FRMD3: variants seen among roughly 807,000 people sequenced by gnomAD.
FRMD3 encodes FERM domain containing 3, also known as FERM domain-containing protein 3.
Under a neutral mutation model 70.2 loss-of-function variants are expected in FRMD3, and 33 were observed. The ratio of observed to expected loss-of-function variants is 0.47; its 90% CI spans 0.36 to 0.63. FRMD3 has a LOEUF of 0.63. Ranked by LOEUF, FRMD3 falls within the 20% of genes least tolerant of loss-of-function variation. FRMD3 has a pLI of 0.00. For missense variants in FRMD3, 632 were observed against 711.4 expected, an observed-to-expected ratio of 0.89 and a Z score of 1.27; for synonymous variants, 279 against 255.9, an observed-to-expected ratio of 1.09 and a Z score of -0.86.
chr9:83,293,353 T>C (rs974983974), intron 12 of FRMD3, among the ~76,000 whole-genome samples: 6 of 152,166 alleles, frequency 3.9e-5, no homozygotes, highest in African/African-American at 1.4e-4. Flanking sequence ...TCTGTGTAGC[T>C]TTCTGACCTC....
chr9:83,312,728 T>C (rs954683423), intron 7 of FRMD3, among the ~76,000 whole-genome samples: 1 of 152,086 alleles, frequency 6.6e-6, no homozygotes, highest in African/African-American at 2.4e-5. Flanking sequence ...GGTAGCCTGG[T>C]CGCCGCACCC....
chr9:83,411,959 G>C (rs774958162), intron 1 of FRMD3, among the ~76,000 whole-genome samples: 12 of 152,164 alleles, frequency 7.9e-5, no homozygotes, highest in Non-Finnish European at 1.2e-4. Context: ...ACATAAGGCA[G>C]AAATGTTCTA....
At chr9:83,357,354 T>C (rs548468425) in intron 3 of FRMD3, among the ~76,000 whole-genome samples, 3 of 146,648 alleles carry the variant, frequency 2.0e-5, no homozygotes, top group Middle Eastern at 3.5e-3. Flanking sequence ...TTCCATATTT[T>C]TGCAATTGCA....
At chr9:83,273,437 C>G (rs1020097358) in intron 13 of FRMD3, among the ~76,000 whole-genome samples, 1 of 151,030 alleles carries the variant, frequency 6.6e-6, no homozygotes, top group African/African-American at 2.4e-5. Context: ...AGGCAGCATA[C>G]TGGTTAAGAG....
At chr9:83,350,920 T>C (rs1044933180) in intron 3 of FRMD3, 4 of 637,794 alleles carry the variant, frequency 6.3e-6, no homozygotes, top group Non-Finnish European at 7.8e-6. Flanking sequence ...CAGATTTCAG[T>C]TAACATATAA....
At chr9:83,292,779 C>A (rs188316490) in intron 12 of FRMD3, among the ~76,000 whole-genome samples, 1 of 152,320 alleles carries the variant, frequency 6.6e-6, no homozygotes, top group South Asian at 2.1e-4. Context: ...TCCCGAGTAG[C>A]TGGGATTACA....
intron 13 of FRMD3, among the ~76,000 whole-genome samples, chr9:83,261,290 G>C (rs1043023123): frequency 1.3e-5 from 2 of 152,094 alleles, no homozygotes; most frequent in Non-Finnish European, 2.9e-5. Flanking sequence ...CTTCATCCTT[G>C]CAGACTAAAC....
chr9:83,468,678 T>G (rs1235983091), intron 1 of FRMD3, among the ~76,000 whole-genome samples: 1 of 152,218 alleles, frequency 6.6e-6, no homozygotes, highest in Non-Finnish European at 1.5e-5. Flanking sequence ...CTTGGTAAGT[T>G]GCTCCCATCC....
At chr9:83,317,237 T>A (rs1203696406) in intron 6 of FRMD3, among the ~76,000 whole-genome samples, 1 of 149,574 alleles carries the variant, frequency 6.7e-6, no homozygotes, top group Admixed American at 6.6e-5. Flanking sequence ...CTCATTTGTA[T>A]ACTCATCTCA....
At chr9:83,550,723 T>TGTGTGTGTGC in the FRMD3 span, among the ~76,000 whole-genome samples, 4 of 150,380 alleles carry the variant, frequency 2.7e-5, no homozygotes, top group East Asian at 1.9e-4. Context: ...TGTGTGTGTG[T>TGTGTGTGTGC]GCATTCATGT....
At chr9:83,314,589 T>C (rs1835492317) in intron 6 of FRMD3, among the ~76,000 whole-genome samples, 1 of 150,780 alleles carries the variant, frequency 6.6e-6, no homozygotes, top group African/African-American at 2.4e-5. Flanking sequence ...CCCCTCAAGA[T>C]AGCAAAGAGT....
intron 6 of FRMD3, among the ~76,000 whole-genome samples, chr9:83,327,852 A>G (rs1196203000): frequency 1.3e-5 from 2 of 152,174 alleles, no homozygotes; most frequent in Non-Finnish European, 2.9e-5. Context: ...GCCTTTCTAC[A>G]TCCTAAATGG....
intron 13 of FRMD3, among the ~76,000 whole-genome samples, chr9:83,285,276 AG>A (rs1186128476): frequency 2.0e-5 from 3 of 152,164 alleles, no homozygotes; most frequent in Non-Finnish European, 2.9e-5. Flanking sequence ...AAACATTTAC[AG>A]GGATGGTGCT....
chr9:83,247,818 C>T lies in FRMD3; in HGVS notation c.*100G>A. On this transcript the variant is annotated 3_prime_UTR_variant, in exon 14 of 14. Coordinates refer to ENST00000304195, the MANE Select transcript of FRMD3 (RefSeq NM_174938.6). ...TGAATAATCAATTATGAGTAAGGAA[C>T]ACCTGTTGACAGCCCCGTGACCCTT... The T allele has an allele frequency of 6.6e-7, 1 of 1,515,644 alleles. No individual in the cohort carries two copies. The highest frequency in any genetic ancestry group is 8.8e-7 in the Non-Finnish European group (1 of 1,135,856). 93.9% of individuals were successfully genotyped at this position (1,515,644 alleles called of 1,614,324 possible). A position where few individuals can be genotyped will look rare whatever the true frequency, so the allele number is the denominator to read the frequency against.
intron 1 of FRMD3, among the ~76,000 whole-genome samples, chr9:83,454,023 G>A (rs1222431022): frequency 6.6e-6 from 1 of 152,064 alleles, no homozygotes; most frequent in East Asian, 1.9e-4. Flanking sequence ...CTCTTTTAAT[G>A]TCTTAATGTA....
At chr9:83,351,674 A>C (rs1297963987) in intron 3 of FRMD3, among the ~76,000 whole-genome samples, 1 of 145,500 alleles carries the variant, frequency 6.9e-6, no homozygotes, top group Non-Finnish European at 1.5e-5. Context: ...TAGATAGATG[A>C]TTGATAGTTA....
intron 13 of FRMD3, among the ~76,000 whole-genome samples, chr9:83,253,390 A>G (rs1426208080): frequency 2.0e-5 from 3 of 152,222 alleles, no homozygotes; most frequent in South Asian, 4.1e-4. Flanking sequence ...GGAAATTTAT[A>G]ATGCCCACAT....
At position 83,416,745 on chromosome 9, in the gene FRMD3, G is replaced by GTCTCTCTCTCTCTC. The variant is rs1184226415; in HGVS notation, c.148-27051_148-27038dup. ...GGATGTCCCTAAAACATTTCTCTCT[G>GTCTCTCTCTCTCTC]TCTCTCTCTCTCTCTCTCTCTCTCT... On this transcript the variant is annotated intron_variant, in intron 1 of 13. Coordinates refer to ENST00000304195, the MANE Select transcript of FRMD3 (RefSeq NM_174938.6). 4.5e-3 allele frequency among the ~76,000 whole-genome samples: 461 copies of GTCTCTCTCTCTCTC among 102,260 alleles called. 40 individuals carry two copies. The highest frequency in any genetic ancestry group is 6.4e-3 in the Non-Finnish European group (332 of 51,756). 67.1% of individuals were successfully genotyped at this position (102,260 alleles called of 152,430 possible). A position where few individuals can be genotyped will look rare whatever the true frequency, so the allele number is the denominator to read the frequency against.
At chr9:83,335,735 G>A in intron 5 of FRMD3, 96 bp from the exon 6 acceptor site, 2 of 1,089,924 alleles carry the variant, frequency 1.8e-6, no homozygotes. Flanking sequence ...CAAAAGAAGA[G>A]GCTGGAATAA....
Sources: allele counts gnomAD v4.1 joint callset (sites outside exome capture counted in the v4.1 genomes callset), GRCh38; gene constraint gnomAD v4.1.1; transcripts MANE v1.5; gene names NCBI Gene and HGNC (gene_info 2026-07-23, HGNC 2026-07-21).